The following PCDH15 variants were observed in gnomAD, a reference collection of about 807,000 sequenced individuals.
PCDH15 encodes protocadherin-15.
Under a neutral mutation model 178.5 loss-of-function variants are expected in PCDH15, and 129 were observed. That is an observed-to-expected ratio of 0.72 (90% CI 0.63 to 0.84). The LOEUF is 0.84. PCDH15 is among the 40% of genes least tolerant of loss of function. The pLI, the probability that PCDH15 is intolerant of heterozygous loss-of-function variation, is 0.00. For synonymous variants in PCDH15, 800 were observed against 732.0 expected, an observed-to-expected ratio of 1.09 and a Z score of -1.50; for missense variants, 2,230 against 2,099.9, an observed-to-expected ratio of 1.06 and a Z score of -1.21.
chr10:54,256,019 A>G (rs2056868464), intron 8 of PCDH15, among the ~76,000 whole-genome samples: 1 of 152,144 alleles, frequency 6.6e-6, no homozygotes, highest in Non-Finnish European at 1.5e-5. Flanking sequence ...GATGTAAGAA[A>G]GGGGAAGACC....
intron 3 of PCDH15, among the ~76,000 whole-genome samples, chr10:54,885,006 A>G (rs1954329931): frequency 6.6e-6 from 1 of 152,102 alleles, no homozygotes; most frequent in African/African-American, 2.4e-5. Flanking sequence ...TTATACATAT[A>G]ACATTCATTT....
rs1417443854 is a variant in PCDH15, at chr10:53,990,882, G to T, written c.2868+4767C>A. ...CAGCACGAGTTCCAGGTGGGTGTGG[G>T]CTTGGCGGGCCCCACACTCCGAGCG... On this transcript the variant is annotated intron_variant, in intron 21 of 37. Transcript: ENST00000644397. Among the ~76,000 whole-genome samples, 3 of 152,098 alleles carry T rather than the reference G, an allele frequency of 2.0e-5. No individual in the cohort carries two copies. The East Asian group carries it at 5.8e-4, about 29-fold the overall frequency.
chr10:54,922,534 GA>G (rs1467311684), intron 2 of PCDH15, among the ~76,000 whole-genome samples: 4 of 152,016 alleles, frequency 2.6e-5, no homozygotes, highest in Non-Finnish European at 1.5e-5. Context: ...ATGCTGGAAA[GA>G]ATTAAGACTT....
At chr10:54,755,156 T>A (rs1946901358) in intron 1 of PCDH15, among the ~76,000 whole-genome samples, 1 of 152,072 alleles carries the variant, frequency 6.6e-6, no homozygotes, top group Admixed American at 6.5e-5. Context: ...GGTCTCGAAC[T>A]CCTGACTTCA....
intron 9 of PCDH15, among the ~76,000 whole-genome samples, chr10:54,217,308 G>A (rs1164110945): frequency 6.6e-6 from 1 of 152,022 alleles, no homozygotes; most frequent in East Asian, 1.9e-4. Flanking sequence ...ACTACCCCAG[G>A]TGAATTTTAA....
intron 18 of PCDH15, among the ~76,000 whole-genome samples, chr10:54,045,324 A>G (rs887770918): frequency 2.0e-5 from 3 of 152,142 alleles, no homozygotes; most frequent in South Asian, 2.1e-4. Context: ...TTTCACTGAG[A>G]TGACATAGTA....
At chr10:53,865,580 TC>T (rs1392480436) in intron 27 of PCDH15, among the ~76,000 whole-genome samples, 10 of 152,192 alleles carry the variant, frequency 6.6e-5, no homozygotes, top group Non-Finnish European at 1.2e-4. Flanking sequence ...CTTAATTTGA[TC>T]AAAAATTTAT....
intron 5 of PCDH15, among the ~76,000 whole-genome samples, chr10:54,346,943 T>C (rs1333034158): frequency 6.6e-6 from 1 of 152,216 alleles, no homozygotes; most frequent in African/African-American, 2.4e-5. Flanking sequence ...AAAGAGAAAT[T>C]GGAGACAATG....
intron 23 of PCDH15, among the ~76,000 whole-genome samples, chr10:53,953,781 CTGTTT>C (rs966596260): frequency 1.8e-4 from 28 of 151,870 alleles, no homozygotes; most frequent in African/African-American, 2.4e-4. Context: ...TTTTTTTGTT[CTGTTT>C]TGTTTTGTTT....
intron 9 of PCDH15, among the ~76,000 whole-genome samples, chr10:54,236,280 C>T (rs1437999386): frequency 6.6e-6 from 1 of 152,078 alleles, no homozygotes. Context: ...GTAGTATATG[C>T]ATAGGGATGG....
At chr10:54,070,276 T>C (rs2094214058) in intron 17 of PCDH15, among the ~76,000 whole-genome samples, 1 of 151,938 alleles carries the variant, frequency 6.6e-6, no homozygotes, top group African/African-American at 2.4e-5. Flanking sequence ...TGATCTCTGC[T>C]CACTGCAACC....
intron 2 of PCDH15, among the ~76,000 whole-genome samples, chr10:54,648,987 A>T (rs558209922): frequency 7.2e-5 from 11 of 152,150 alleles, no homozygotes; most frequent in Non-Finnish European, 1.5e-4. Flanking sequence ...CAATTGTTCA[A>T]TGAAGAAACA....
At chr10:54,446,518 T>A (rs2076150469) in intron 3 of PCDH15, among the ~76,000 whole-genome samples, 1 of 151,622 alleles carries the variant, frequency 6.6e-6, no homozygotes, top group Non-Finnish European at 1.5e-5. Context: ...TCATTTCCTG[T>A]TATTTCATCT....
intron 1 of PCDH15, among the ~76,000 whole-genome samples, chr10:54,740,412 C>T (rs1944630098): frequency 6.6e-6 from 1 of 151,582 alleles, no homozygotes; most frequent in African/African-American, 2.4e-5. Context: ...TGTGACCCTC[C>T]TACATTCTTG....
At position 54,281,290 on chromosome 10, in the gene PCDH15, GA is replaced by G. The variant is rs576718618; in HGVS notation, c.876+35980del. ...CTATATATTATATTTCCCTTGATGT[GA>G]AAAATAAGAAACATTTCAGAAAAAC... is the stretch of plus-strand genomic sequence containing the variant. On this transcript the variant is annotated intron_variant, in intron 8 of 37. Coordinates refer to ENST00000644397, the MANE Select transcript of PCDH15 (RefSeq NM_001384140.1). Among the ~76,000 whole-genome samples the G allele has an allele frequency of 1.4e-4, 21 of 151,858 alleles. No homozygotes were observed. The East Asian group carries it at 3.1e-3, about 22-fold the overall frequency.
chr10:54,677,827 T>C (rs910635528), intron 1 of PCDH15, among the ~76,000 whole-genome samples: 1 of 152,202 alleles, frequency 6.6e-6, no homozygotes. Context: ...TGCAATAGTT[T>C]AAAGCCTTGG....
chr10:54,648,312 T>A (rs2094177600), intron 2 of PCDH15, among the ~76,000 whole-genome samples: 1 of 152,136 alleles, frequency 6.6e-6, no homozygotes, highest in Non-Finnish European at 1.5e-5. Context: ...CCAGTCAGTG[T>A]AAATGTAGTT....
At chr10:54,605,138 T>C (rs1315955693) in intron 2 of PCDH15, among the ~76,000 whole-genome samples, 1 of 151,952 alleles carries the variant, frequency 6.6e-6, no homozygotes, top group East Asian at 1.9e-4. Context: ...TTAATACTTT[T>C]TTAAATTTTA....
chr10:54,243,245 C>CA lies in PCDH15; in HGVS notation c.877-6315dup, dbSNP rs539601704. Among the ~76,000 whole-genome samples, 23 of 152,312 alleles carry CA rather than the reference C, an allele frequency of 1.5e-4. No homozygotes were observed. The East Asian group carries it at 4.4e-3, about 29-fold the overall frequency. On this transcript the variant is annotated intron_variant, in intron 8 of 37. Transcript: ENST00000644397. ...TACTACATTTAAGGAAAGTCAGTGT[C>CA]ACGCCTGTAATCCCAGCACTTTGGG...
Sources: gnomAD v4.1 joint callset for allele counts (sites outside exome capture counted in the v4.1 genomes callset) on GRCh38, gnomAD v4.1.1 for gene constraint, MANE v1.5 for transcripts, NCBI Gene and HGNC (gene_info 2026-07-23, HGNC 2026-07-21) for gene names.